The following DCC variants were observed in gnomAD, a reference collection of about 807,000 sequenced individuals.
The protein encoded by DCC is DCC netrin 1 receptor.
In DCC, 58 loss-of-function variants were observed where a neutral mutation model predicts 172.5. The observed-to-expected ratio is 0.34, with a 90% CI of 0.27 to 0.42. DCC has a LOEUF of 0.42. Among genes scored for constraint, DCC ranks in the 10% least tolerant of loss-of-function variants. The pLI, the probability that DCC is intolerant of heterozygous loss-of-function variation, is 1.00. For missense variants in DCC, 1,740 were observed against 1,791.0 expected (o/e 0.97, Z 0.51); for synonymous variants, 709 against 644.5 (o/e 1.10, Z -1.52).
chr18:52,629,043 TA>T (rs1336321040), intron 1 of DCC, among the ~76,000 whole-genome samples: 2 of 152,216 alleles, frequency 1.3e-5, no homozygotes, highest in Non-Finnish European at 2.9e-5. Context: ...GCCGTGAGGA[TA>T]TTACTATGAG....
intron 4 of DCC, 82 bp from the exon 5 acceptor site, chr18:52,925,152 G>A (rs1042236010): frequency 7.4e-7 from 1 of 1,346,204 alleles, no homozygotes; most frequent in Non-Finnish European, 1.1e-6. Flanking sequence ...TTGAGCTTTG[G>A]TGGAGGTCAT....
intron 7 of DCC, among the ~76,000 whole-genome samples, chr18:53,106,003 A>G (rs951991863): frequency 7.3e-5 from 11 of 151,256 alleles, no homozygotes; most frequent in Admixed American, 7.3e-4. Flanking sequence ...GGCTGTTTGA[A>G]ACCCTAGCTT....
chr18:53,338,413 C>A (rs1260477809), intron 14 of DCC, among the ~76,000 whole-genome samples: 4 of 152,130 alleles, frequency 2.6e-5, no homozygotes, highest in Non-Finnish European at 5.9e-5. Flanking sequence ...ATAATCCTGG[C>A]CAAGATGGTG....
chr18:53,287,536 A>G (rs944754494), intron 12 of DCC, among the ~76,000 whole-genome samples: 1 of 152,278 alleles, frequency 6.6e-6, no homozygotes. Flanking sequence ...ACTTAATTCT[A>G]TTTTTAACCT....
intron 14 of DCC, among the ~76,000 whole-genome samples, chr18:53,335,178 T>C (rs2057577998): frequency 6.6e-6 from 1 of 152,136 alleles, no homozygotes; most frequent in Non-Finnish European, 1.5e-5. Flanking sequence ...AGTAGTTGTT[T>C]CCTCTCCCTA....
At chr18:52,521,164 T>G (rs1405116688) in intron 1 of DCC, among the ~76,000 whole-genome samples, 1 of 144,752 alleles carries the variant, frequency 6.9e-6, no homozygotes, top group Admixed American at 6.9e-5. Flanking sequence ...AAAAAATGCA[T>G]ACTTGAATTG....
intron 12 of DCC, among the ~76,000 whole-genome samples, chr18:53,298,892 A>C (rs2057100372): frequency 6.6e-6 from 1 of 152,192 alleles, no homozygotes; most frequent in Non-Finnish European, 1.5e-5. Context: ...TGAAAGGAAC[A>C]TTAGACCCCA....
chr18:52,888,668 T>C (rs1338650068), intron 2 of DCC, among the ~76,000 whole-genome samples: 1 of 151,966 alleles, frequency 6.6e-6, no homozygotes, highest in Non-Finnish European at 1.5e-5. Flanking sequence ...ATGTCAGTTA[T>C]TTAACATAAA....
chr18:52,673,006 T>C (rs925950717), intron 1 of DCC, among the ~76,000 whole-genome samples: 1 of 152,170 alleles, frequency 6.6e-6, no homozygotes, highest in African/African-American at 2.4e-5. Flanking sequence ...GAGGCTGCAG[T>C]GAGCCATGAT....
At chr18:53,049,514 G>C (rs554394092) in intron 5 of DCC, among the ~76,000 whole-genome samples, 1 of 151,944 alleles carries the variant, frequency 6.6e-6, no homozygotes, top group Non-Finnish European at 1.5e-5. Context: ...CATTATTTCT[G>C]GGCTCTCTAT....
chr18:52,806,021 G>T (rs544153189), intron 2 of DCC, among the ~76,000 whole-genome samples: 6 of 152,166 alleles, frequency 3.9e-5, no homozygotes, highest in Non-Finnish European at 7.3e-5. Context: ...GGTGATGAAG[G>T]ACTTTTAGGC....
At chr18:52,882,488 A>G (rs532623762) in intron 2 of DCC, among the ~76,000 whole-genome samples, 35 of 151,228 alleles carry the variant, frequency 2.3e-4, no homozygotes, top group Non-Finnish European at 4.4e-4. Flanking sequence ...TTGTGTTTCC[A>G]TTACTGTTTG....
intron 15 of DCC, among the ~76,000 whole-genome samples, chr18:53,365,823 A>C (rs576102465): frequency 6.6e-6 from 1 of 152,340 alleles, no homozygotes; most frequent in East Asian, 1.9e-4. Flanking sequence ...TGAGACCAAC[A>C]TGAATATCTT....
intron 1 of DCC, among the ~76,000 whole-genome samples, chr18:52,556,300 A>G (rs1347002794): frequency 6.6e-6 from 1 of 152,174 alleles, no homozygotes; most frequent in Non-Finnish European, 1.5e-5. Flanking sequence ...ACTATATTAT[A>G]CATTTAATGG....
At chr18:52,540,517 A>G (rs2032407880) in intron 1 of DCC, among the ~76,000 whole-genome samples, 1 of 151,722 alleles carries the variant, frequency 6.6e-6, no homozygotes, top group Non-Finnish European at 1.5e-5. Flanking sequence ...AGTGGCATCA[A>G]AGCATTTGAT....
intron 7 of DCC, among the ~76,000 whole-genome samples, chr18:53,133,650 A>G (rs1183032217): frequency 6.6e-6 from 1 of 152,222 alleles, no homozygotes; most frequent in Non-Finnish European, 1.5e-5. Flanking sequence ...ACAGAAAACT[A>G]TTAGTGGTAC....
At chr18:53,151,616 G>A (rs1480558728) in intron 7 of DCC, among the ~76,000 whole-genome samples, 1 of 151,904 alleles carries the variant, frequency 6.6e-6, no homozygotes, top group Non-Finnish European at 1.5e-5. Flanking sequence ...CAGGATAAAA[G>A]CATACAATGT....
chr18:53,295,235 A>C (rs991306850), intron 12 of DCC, among the ~76,000 whole-genome samples: 1 of 152,058 alleles, frequency 6.6e-6, no homozygotes, highest in East Asian at 1.9e-4. Flanking sequence ...CAAATTTCTA[A>C]CTTCCCTTAA....
intron 5 of DCC, among the ~76,000 whole-genome samples, chr18:52,979,205 C>T (rs192023828): frequency 6.8e-4 from 103 of 152,150 alleles, no homozygotes; most frequent in African/African-American, 2.5e-3. Context: ...AAGAGGAATG[C>T]AAAAGATGGA....
Sources: gnomAD v4.1 joint callset for allele counts (sites outside exome capture counted in the v4.1 genomes callset) on GRCh38, gnomAD v4.1.1 for gene constraint, MANE v1.5 for transcripts, NCBI Gene and HGNC (gene_info 2026-07-23, HGNC 2026-07-21) for gene names.